Variants in EXOSC5 observed in about 807,000 individuals in gnomAD.
EXOSC5 encodes the protein exosome component 5, also known as exosome complex component RRP46.
In EXOSC5, 15 loss-of-function variants were observed where a neutral mutation model predicts 23.7. That is an observed-to-expected ratio of 0.63 (90% confidence interval 0.42 to 0.97). The LOEUF is 0.97. Among genes scored for constraint, EXOSC5 ranks in the 50% least tolerant of loss-of-function variants. The probability of loss-of-function intolerance (pLI) is 0.00; values close to 1 mark genes in which losing one functional copy is unlikely to be tolerated. For missense variants in EXOSC5, 305 were observed against 316.3 expected (o/e 0.96, Z 0.27); for synonymous variants, 143 against 140.9 (o/e 1.02, Z -0.11).
At chr19:41,395,047 G>A (rs10853749) in intron 1 of EXOSC5, among the ~76,000 whole-genome samples, 263 of 136,686 alleles carry the variant, frequency 1.9e-3, no homozygotes, top group Middle Eastern at 3.8e-3. Context: ...AAAAAAAAAA[G>A]AAAAAAAAAA....
intron 3 of EXOSC5, among the ~76,000 whole-genome samples, chr19:41,390,698 T>A (rs2039017290): frequency 6.6e-6 from 1 of 152,078 alleles, no homozygotes; most frequent in African/African-American, 2.4e-5. Context: ...AGAGCACAGG[T>A]TGGGAGTCAG....
At chr19:41,391,282 C>T (rs938023886) in intron 3 of EXOSC5, among the ~76,000 whole-genome samples, 2 of 152,180 alleles carry the variant, frequency 1.3e-5, no homozygotes, top group Non-Finnish European at 1.5e-5. Context: ...GCATGGGAAT[C>T]GCTTGAGCCC....
intron 1 of EXOSC5, 68 bp from the exon 2 acceptor site, chr19:41,393,048 A>G: frequency 1.5e-6 from 2 of 1,359,842 alleles, no homozygotes; most frequent in Non-Finnish European, 2.1e-6. Flanking sequence ...TGTGGCACTG[A>G]GCCTGACGGC....
chr19:41,389,137 G>C (rs1026388557), intron 4 of EXOSC5, among the ~76,000 whole-genome samples: 1 of 151,890 alleles, frequency 6.6e-6, no homozygotes, highest in Non-Finnish European at 1.5e-5. Flanking sequence ...GTAGAGACAG[G>C]GTTTTGCAAT....
chr19:41,388,747 T>A (rs887789915), intron 4 of EXOSC5, among the ~76,000 whole-genome samples: 6 of 152,144 alleles, frequency 3.9e-5, no homozygotes, highest in African/African-American at 1.2e-4. Context: ...CAGAATAACT[T>A]GAGCTTAGGA....
chr19:41,386,817 C>G lies in EXOSC5; in HGVS notation c.616-92G>C, dbSNP rs780026452. 3.8e-4 allele frequency: 393 copies of G among 1,047,292 alleles called. 2 individuals are homozygous for G. The highest frequency in any genetic ancestry group is 4.9e-4 in the Admixed American group (22 of 45,022). The allele number at this position is 1,047,292 out of a possible 1,614,324, so 64.9% of individuals were successfully genotyped here. A position where few individuals can be genotyped will look rare whatever the true frequency, so the allele number is the denominator to read the frequency against. On this transcript the variant is annotated intron_variant, in intron 5 of 5. Transcript: ENST00000221233. ...AGGAGGTTCTGCTGACCCCACCTGA[C>G]TCCCTTAACCTCCCATCACTCCCCT... is the stretch of plus-strand genomic sequence containing the variant.
intron 4 of EXOSC5, among the ~76,000 whole-genome samples, chr19:41,388,812 T>C (rs1205356616): frequency 5.3e-5 from 8 of 152,140 alleles, no homozygotes; most frequent in Admixed American, 2.0e-4. Flanking sequence ...TTGAGCCTCC[T>C]AGGATGGAAA....
In EXOSC5 at chr19:41,386,469, G is replaced by T; in HGVS notation, c.*164C>A. 1 of 594,986 alleles carries T rather than the reference G, an allele frequency of 1.7e-6. No homozygotes were observed. Among genetic ancestry groups the T allele is most frequent in the East Asian group, 2.9e-5 (1 of 35,006 alleles). The allele number at this position is 594,986 out of a possible 1,614,324, so 36.9% of individuals were successfully genotyped here. Reference sequence around the variant, plus strand: ...GGGGATCTGTGCCCCCAGGCCTGGGGGCTGTCACAGGCCAAGGCCTCCCCA... The same window carrying T: ...GGGGATCTGTGCCCCCAGGCCTGGGTGCTGTCACAGGCCAAGGCCTCCCCA... On this transcript the variant is annotated 3_prime_UTR_variant, in exon 6 of 6. Transcript: ENST00000221233.
At chr19:41,393,154 C>T (rs1450566999) in intron 1 of EXOSC5, among the ~76,000 whole-genome samples, 174 bp from the exon 2 acceptor site, 1 of 152,194 alleles carries the variant, frequency 6.6e-6, no homozygotes, top group Admixed American at 6.5e-5. Context: ...AATAGCAGTC[C>T]CTCCCCGCTA....
At chr19:41,391,377 A>C (rs538840345) in intron 3 of EXOSC5, among the ~76,000 whole-genome samples, 2 of 152,282 alleles carry the variant, frequency 1.3e-5, no homozygotes, top group South Asian at 4.1e-4. Flanking sequence ...AAAAACAAAC[A>C]AAAAAACCCA....
At position 41,386,461 on chromosome 19, in the gene EXOSC5, G is replaced by A; in HGVS notation, c.*172C>T. ...CTTGCTGGGGGGATCTGTGCCCCCA[G>A]GCCTGGGGGCTGTCACAGGCCAAGG... On this transcript the variant is annotated 3_prime_UTR_variant, in exon 6 of 6. Transcript: ENST00000221233. The A allele has an allele frequency of 1.7e-6, 1 of 584,370 alleles. No individual in the cohort carries two copies. Among genetic ancestry groups the A allele is most frequent in the Non-Finnish European group, 3.0e-6 (1 of 328,872 alleles). The allele number at this position is 584,370 out of a possible 1,614,324, so 36.2% of individuals were successfully genotyped here.
In EXOSC5 at chr19:41,386,389, T is replaced by G; in HGVS notation, c.*244A>C. On this transcript the variant is annotated 3_prime_UTR_variant, in exon 6 of 6. Coordinates refer to ENST00000221233, the MANE Select transcript of EXOSC5 (RefSeq NM_020158.4). ...CAGACATTTGTTAAAGTGAATTAATTTATTGATTCATCCATTCCATAAATG... is the reference window on the plus strand; with the variant it reads ...CAGACATTTGTTAAAGTGAATTAATGTATTGATTCATCCATTCCATAAATG... The G allele has an allele frequency of 6.4e-6, 3 of 470,460 alleles. No individual in the cohort carries two copies. Among genetic ancestry groups the G allele is most frequent in the South Asian group, 3.4e-5 (1 of 29,314 alleles). 29.1% of individuals were successfully genotyped at this position (470,460 alleles called of 1,614,324 possible). A position where few individuals can be genotyped will look rare whatever the true frequency, so the allele number is the denominator to read the frequency against.
Position 41,389,947 on chromosome 19 carries a change from T to C in EXOSC5, c.385-42A>G, listed in dbSNP as rs3745289. The C allele has an allele frequency of 2.1e-5, 32 of 1,545,276 alleles. No homozygotes were observed. The East Asian group carries it at 5.8e-4, about 28-fold the overall frequency. Reference sequence around the variant, plus strand: ...ATGGTTAAGTTTCTTTTTTTTTTTTTTGGAGATGGAGTTTCGCTCTTGTTG... The same window carrying C: ...ATGGTTAAGTTTCTTTTTTTTTTTTCTGGAGATGGAGTTTCGCTCTTGTTG... On this transcript the variant is annotated intron_variant, in intron 3 of 5. Transcript: ENST00000221233.
At chr19:41,391,157 G>A (rs1307037798) in intron 3 of EXOSC5, among the ~76,000 whole-genome samples, 1 of 152,186 alleles carries the variant, frequency 6.6e-6, no homozygotes, top group African/African-American at 2.4e-5. Flanking sequence ...TCGAGGTCAG[G>A]AGTTCGAGAC....
chr19:41,396,042 A>T (rs2039060278), intron 1 of EXOSC5, among the ~76,000 whole-genome samples: 1 of 151,252 alleles, frequency 6.6e-6, no homozygotes, highest in African/African-American at 2.4e-5. Flanking sequence ...AGCCACCATC[A>T]CCTCCCTGTT....
At chr19:41,391,185 CA>C (rs2039020399) in intron 3 of EXOSC5, among the ~76,000 whole-genome samples, 1 of 152,122 alleles carries the variant, frequency 6.6e-6, no homozygotes, top group Non-Finnish European at 1.5e-5. Context: ...GCCAACACAG[CA>C]AAACCCCGTC....
intron 1 of EXOSC5, among the ~76,000 whole-genome samples, chr19:41,396,026 G>A (rs2039059991): frequency 6.6e-6 from 1 of 152,010 alleles, no homozygotes; most frequent in African/African-American, 2.4e-5. Context: ...CTCCTGCTCT[G>A]GCTGGAGCCA....
chr19:41,387,748 G>T, intron 4 of EXOSC5, 145 bp from the exon 5 acceptor site: 1 of 314,198 alleles, frequency 3.2e-6, no homozygotes. Context: ...CTTGAGGCCA[G>T]AAACTCAAGA....
Position 41,392,997 on chromosome 19 carries a change from G to C in EXOSC5, c.149-17C>G. The C allele has an allele frequency of 6.2e-7, 1 of 1,609,702 alleles. No homozygotes were observed. Among genetic ancestry groups the C allele is most frequent in the East Asian group, 2.2e-5 (1 of 44,846 alleles). ...AGGTGTCACCTGAGGAGACAGCAGG[G>C]AGGGCCTCACTCACAGCTTCCCTGC... is the stretch of plus-strand genomic sequence containing the variant. On this transcript the variant is annotated splice_polypyrimidine_tract_variant and intron_variant, in intron 1 of 5. Coordinates refer to ENST00000221233, the MANE Select transcript of EXOSC5 (RefSeq NM_020158.4).
Sources: gnomAD v4.1 joint callset for allele counts (sites outside exome capture counted in the v4.1 genomes callset) on GRCh38, gnomAD v4.1.1 for gene constraint, MANE v1.5 for transcripts, NCBI Gene and HGNC (gene_info 2026-07-23, HGNC 2026-07-21) for gene names.